The following FZD6 variants were observed in gnomAD, a reference collection of about 807,000 sequenced individuals.
FZD6 encodes frizzled class receptor 6, also known as frizzled-6.
FZD6 carries 49 observed loss-of-function variants against 61.4 expected under a neutral mutation model. That is an observed-to-expected ratio of 0.80 (90% CI 0.63 to 1.01). The LOEUF is 1.01. Ranked by LOEUF, FZD6 falls within the 50% of genes least tolerant of loss-of-function variation. FZD6 has a pLI of 0.00. For missense variants in FZD6, 724 were observed against 848.2 expected, an observed-to-expected ratio of 0.85 and a Z score of 1.82; for synonymous variants, 265 against 292.2, an observed-to-expected ratio of 0.91 and a Z score of 0.95.
intron 2 of FZD6, among the ~76,000 whole-genome samples, chr8:103,303,321 C>T (rs148881912): frequency 6.6e-6 from 1 of 152,352 alleles, no homozygotes; most frequent in African/African-American, 2.4e-5. Context: ...TACCTTTCTT[C>T]ACCTGCTCAA....
rs58157848 is a variant in FZD6 at position 103,313,760 on chromosome 8, CTGTGTGTGTGTGTGTGTGTG to C, written c.178-4806_178-4787del. Among the ~76,000 whole-genome samples the C allele has an allele frequency of 3.8e-4, 54 of 142,842 alleles. No individual in the cohort carries two copies. In the East Asian group the frequency reaches 5.2e-3, roughly 14 times the overall value. 93.7% of individuals were successfully genotyped at this position (142,842 alleles called of 152,430 possible). ...GGATCTGACCTGAGACTTGATTTTT[CTGTGTGTGTGTGTGTGTGTG>C]TGTGTGTGTGTGTGTGTGTGTGTCA... is the stretch of plus-strand genomic sequence containing the variant. On this transcript the variant is annotated intron_variant, in intron 2 of 6. Coordinates refer to ENST00000358755, the MANE Select transcript of FZD6 (RefSeq NM_003506.4).
chr8:103,331,048 C>G (rs1021415284), intron 6 of FZD6, among the ~76,000 whole-genome samples: 6 of 151,880 alleles, frequency 4.0e-5, no homozygotes, highest in Admixed American at 6.6e-5. Context: ...GTGGTGGCAC[C>G]CACCTGTAGT....
At chr8:103,319,141 A>C (rs903689135) in intron 3 of FZD6, among the ~76,000 whole-genome samples, 3 of 152,216 alleles carry the variant, frequency 2.0e-5, no homozygotes, top group Admixed American at 6.5e-5. Context: ...GAAGGAAATG[A>C]CTGTTGAGCT....
intron 3 of FZD6, 54 bp downstream of exon 3, chr8:103,318,840 G>A (rs1022117682): frequency 4.2e-6 from 4 of 958,436 alleles, no homozygotes; most frequent in Non-Finnish European, 6.9e-6. Context: ...ACTGGTACTA[G>A]CTCTCTGGGA....
chr8:103,310,749 A>T (rs1427301470), intron 2 of FZD6, among the ~76,000 whole-genome samples: 1 of 152,200 alleles, frequency 6.6e-6, no homozygotes, highest in Admixed American at 6.5e-5. Context: ...CCTCGTGTTC[A>T]TGGGGCATAT....
intron 3 of FZD6, among the ~76,000 whole-genome samples, chr8:103,324,010 C>T (rs1209339974): frequency 6.6e-6 from 1 of 152,034 alleles, no homozygotes; most frequent in African/African-American, 2.4e-5. Flanking sequence ...ATTATCATCA[C>T]TTTAGTTATA....
At chr8:103,310,083 G>A (rs1481657883) in intron 2 of FZD6, among the ~76,000 whole-genome samples, 1 of 152,108 alleles carries the variant, frequency 6.6e-6, no homozygotes. Flanking sequence ...AGCACTCTGC[G>A]ATATCCTGAG....
chr8:103,301,778 C>G (rs1814178629), intron 2 of FZD6, among the ~76,000 whole-genome samples: 1 of 152,092 alleles, frequency 6.6e-6, no homozygotes, highest in Non-Finnish European at 1.5e-5. Context: ...GAGATGCATC[C>G]CTGCTATTAA....
At chr8:103,301,112 C>A (rs965264451) in intron 2 of FZD6, among the ~76,000 whole-genome samples, 1 of 151,996 alleles carries the variant, frequency 6.6e-6, no homozygotes, top group African/African-American at 2.4e-5. Context: ...AGAGGAAATC[C>A]CTACAAATTT....
In FZD6 at chr8:103,311,543, G is replaced by A. The variant is rs549745463; in HGVS notation, c.178-7047G>A. 1.1e-3 allele frequency among the ~76,000 whole-genome samples: 161 copies of A among 152,008 alleles called. 1 individual carries two copies. The highest frequency in any genetic ancestry group is 3.4e-3 in the Middle Eastern group (1 of 292). ...ACTTGAGCTCAGGAGTTCAAGATCC[G>A]TCTGGGCAACACAGACTCTATCTCT... On this transcript the variant is annotated intron_variant, in intron 2 of 6. Coordinates refer to ENST00000358755, the MANE Select transcript of FZD6 (RefSeq NM_003506.4).
chr8:103,314,892 T>C (rs1231581666), intron 2 of FZD6, among the ~76,000 whole-genome samples: 1 of 152,246 alleles, frequency 6.6e-6, no homozygotes, highest in Non-Finnish European at 1.5e-5. Flanking sequence ...ATTTTTAAGG[T>C]GTATACAGTG....
chr8:103,300,388 T>C, intron 2 of FZD6, 104 bp downstream of exon 2: 1 of 884,220 alleles, frequency 1.1e-6, no homozygotes, highest in Non-Finnish European at 1.9e-6. Flanking sequence ...TTCTTCAAGT[T>C]GTGTACAAGT....
Position 103,325,175 on chromosome 8 carries a change from T to A in FZD6, c.1069T>A (p.Cys357Ser), listed in dbSNP as rs751829856. 6.2e-7 allele frequency: 1 copy of A among 1,614,100 alleles called. No individual in the cohort carries two copies. Among genetic ancestry groups the A allele is most frequent in the Non-Finnish European group, 8.5e-7 (1 of 1,179,948 alleles). ...KVEGDNISGV[C>S]FVGLYDLDAS... ...TGAAGGAGACAACATTAGTGGAGTTTGCTTTGTTGGCCTTTATGACCTGGA... is the reference window on the plus strand; with the variant it reads ...TGAAGGAGACAACATTAGTGGAGTTAGCTTTGTTGGCCTTTATGACCTGGA... Residue 357 changes from cysteine (C) to serine (S), a missense_variant, in exon 4 of 7, where the codon TGC becomes AGC. Cys to Ser is a moderately radical substitution (Grantham distance 112). Transcript: ENST00000358755.
chr8:103,329,013 T>TTATATATATATA (rs55730772), intron 5 of FZD6, among the ~76,000 whole-genome samples: 6,636 of 115,078 alleles, frequency 0.058, 360 homozygotes, highest in Admixed American at 0.1. Context: ...CATTTTAGTT[T>TTATATATATATA]TATATATATA....
chr8:103,327,470 C>G (rs1020167872), intron 4 of FZD6, among the ~76,000 whole-genome samples: 1 of 152,164 alleles, frequency 6.6e-6, no homozygotes. Context: ...GTGGCGTACA[C>G]TTGTAGTCCC....
At chr8:103,322,434 A>G (rs1355407345) in intron 3 of FZD6, among the ~76,000 whole-genome samples, 1 of 151,988 alleles carries the variant, frequency 6.6e-6, no homozygotes, top group Non-Finnish European at 1.5e-5. Flanking sequence ...GAAATATTCT[A>G]TCTGGACCTT....
At chr8:103,312,821 C>T (rs576346146) in intron 2 of FZD6, among the ~76,000 whole-genome samples, 4 of 152,152 alleles carry the variant, frequency 2.6e-5, no homozygotes, top group Non-Finnish European at 4.4e-5. Flanking sequence ...CAGGAGATAA[C>T]GCATCATCTG....
chr8:103,324,734 C>T lies in FZD6; in HGVS notation c.628C>T (p.Leu210Phe), dbSNP rs1437126989. The part of the protein sequence containing the change: ...SFIGTVSIFC[L>F]CATLFTFLTF... ...TATTGGAACAGTTTCAATATTTTGT[C>T]TTTGTGCAACTCTGTTCACATTCCT... The change falls in exon 4 of 7, where the codon CTT becomes TTT. Residue 210 changes from leucine (L) to phenylalanine (F), a missense_variant. Transcript: ENST00000358755. The T allele has an allele frequency of 6.2e-7, 1 of 1,613,902 alleles. No individual in the cohort carries two copies. Among genetic ancestry groups the T allele is most frequent in the Non-Finnish European group, 8.5e-7 (1 of 1,179,930 alleles).
At chr8:103,307,975 T>C (rs115904584) in intron 2 of FZD6, 2 of 455,806 alleles carry the variant, frequency 4.4e-6, no homozygotes, top group South Asian at 1.6e-5. Context: ...TGACACTAGA[T>C]AGTTGGTTGA....
Sources: gnomAD v4.1 joint callset for allele counts (sites outside exome capture counted in the v4.1 genomes callset) on GRCh38, gnomAD v4.1.1 for gene constraint, MANE v1.5 for transcripts, NCBI Gene and HGNC (gene_info 2026-07-23, HGNC 2026-07-21) for gene names.